Variants in RYR3 observed in about 807,000 individuals in gnomAD.
The protein encoded by RYR3 is brain ryanodine receptor-calcium release channel.
Under a neutral mutation model 584.3 loss-of-function variants are expected in RYR3, and 207 were observed. The observed-to-expected ratio is 0.35, with a 90% confidence interval of 0.32 to 0.40. The LOEUF (loss-of-function observed/expected upper bound fraction) is 0.40, where lower values mean the gene tolerates loss of function less well. RYR3 is among the 10% of genes least tolerant of loss of function. RYR3 has a pLI of 1.00. For missense variants in RYR3, 5,616 were observed against 6,089.2 expected (o/e 0.92, Z 2.59); for synonymous variants, 2,416 against 2,248.5 (o/e 1.07, Z -2.11).
At chr15:33,815,305 T>C (rs759692609) in intron 74 of RYR3, 3 of 152,250 alleles carry the variant, frequency 2.0e-5, no homozygotes, top group Non-Finnish European at 2.9e-5. Context: ...AATTTGTCTT[T>C]GTTTTCTGGA....
Position 33,543,691 on chromosome 15 carries a change from C to A in RYR3, c.716C>A (p.Thr239Lys), listed in dbSNP as rs577566903. The A allele has an allele frequency of 1.9e-6, 3 of 1,612,112 alleles. No homozygotes were observed. The East Asian group carries it at 6.7e-5, about 36-fold the overall frequency. ...GATGAATGTTTGACGATACCATCTA[C>A]AGACCAGAATGATTCCCAGCACAGG... ...GHDECLTIPS[T>K]DQNDSQHRRI... The change falls in exon 8 of 104, where the codon ACA becomes AAA. Residue 239 changes from threonine to lysine, a missense_variant. Physicochemically the swap from Thr to Lys is moderately conservative, Grantham distance 78 (BLOSUM62 -1). Transcript: ENST00000634891.
chr15:33,735,354 G>A (rs961103470), intron 48 of RYR3, among the ~76,000 whole-genome samples: 1 of 152,186 alleles, frequency 6.6e-6, no homozygotes, highest in Non-Finnish European at 1.5e-5. Context: ...TGAAACAGAC[G>A]ACTTTTGTTC....
intron 38 of RYR3, among the ~76,000 whole-genome samples, chr15:33,678,753 G>T (rs1347426243): frequency 6.6e-6 from 1 of 152,226 alleles, no homozygotes. Context: ...GCCTCGAGGG[G>T]TCTGACAGCC....
intron 45 of RYR3, among the ~76,000 whole-genome samples, chr15:33,724,902 T>A (rs1194403847): frequency 6.6e-6 from 1 of 152,032 alleles, no homozygotes; most frequent in Non-Finnish European, 1.5e-5. Context: ...TTTCTGTGCC[T>A]TTAAGTAAAT....
chr15:33,670,286 G>A (rs2063766204), intron 37 of RYR3, 133 bp from the exon 38 acceptor site: 1 of 877,354 alleles, frequency 1.1e-6, no homozygotes, highest in Non-Finnish European at 1.8e-6. Context: ...CACGAGAATA[G>A]TATCTTTAGA....
intron 3 of RYR3, among the ~76,000 whole-genome samples, chr15:33,526,618 G>A (rs2054410245): frequency 6.8e-6 from 1 of 146,210 alleles, no homozygotes; most frequent in Non-Finnish European, 1.5e-5. Context: ...CTCGTCATGG[G>A]AATGTTTATT....
intron 23 of RYR3, 24 bp from the exon 24 acceptor site, chr15:33,632,925 G>A: frequency 1.9e-6 from 3 of 1,595,776 alleles, no homozygotes; most frequent in Non-Finnish European, 2.6e-6. Context: ...TGTTAAAAAT[G>A]TATACTTTTA....
intron 102 of RYR3, 138 bp from the exon 103 acceptor site, chr15:33,864,000 C>CCA (rs1889491496): frequency 1.7e-6 from 1 of 597,564 alleles, no homozygotes; most frequent in South Asian, 2.3e-5. Flanking sequence ...TGTCCTTATG[C>CCA]CACACTTCCC....
rs150688277 is a variant in RYR3 at position 33,373,993 on chromosome 15, A to G, written c.51+62897A>G. Among the ~76,000 whole-genome samples the G allele has an allele frequency of 1.5e-3, 236 of 152,324 alleles. 2 individuals are homozygous for G. Among genetic ancestry groups the G allele is most frequent in the African/African-American group, 5.4e-3 (225 of 41,572 alleles). On this transcript the variant is annotated intron_variant, in intron 1 of 103. Transcript: ENST00000634891. ...GAAATCTTATTTTAGGTGATGGTTT[A>G]AAATCCCTTCCTCACAGTGCCTGGA...
chr15:33,338,799 C>T (rs867478131), intron 1 of RYR3, among the ~76,000 whole-genome samples: 9 of 152,210 alleles, frequency 5.9e-5, no homozygotes, highest in Admixed American at 6.5e-5. Flanking sequence ...TAGCTAGTTA[C>T]CTGCAACAAT....
intron 38 of RYR3, among the ~76,000 whole-genome samples, chr15:33,672,483 G>A (rs1180164569): frequency 6.6e-6 from 1 of 152,190 alleles, no homozygotes; most frequent in African/African-American, 2.4e-5. Flanking sequence ...CCCAGAAATA[G>A]ACGAAATGGT....
At position 33,355,604 on chromosome 15, in the gene RYR3, A is replaced by G. The variant is rs1193243198; in HGVS notation, c.51+44508A>G. Among the ~76,000 whole-genome samples, 3 of 152,344 alleles carry G rather than the reference A, an allele frequency of 2.0e-5. No individual in the cohort carries two copies. The East Asian group carries it at 5.8e-4, about 29-fold the overall frequency. On this transcript the variant is annotated intron_variant, in intron 1 of 103. Transcript: ENST00000634891. ...TTAATCTTTAGGCTTCTCTTCTGCC[A>G]TATTTTCTTAGGTAATTTTAAAGAG...
chr15:33,652,364 G>A (rs780674302), intron 31 of RYR3, among the ~76,000 whole-genome samples: 1 of 152,122 alleles, frequency 6.6e-6, no homozygotes, highest in East Asian at 1.9e-4. Context: ...GCCGAAGGTG[G>A]TCATTCACTC....
chr15:33,498,322 C>A (rs562502387), intron 2 of RYR3, among the ~76,000 whole-genome samples: 2 of 152,136 alleles, frequency 1.3e-5, no homozygotes, highest in Admixed American at 1.3e-4. Context: ...TAAGAGTTTT[C>A]TCTTCTATGC....
intron 62 of RYR3, among the ~76,000 whole-genome samples, chr15:33,771,411 G>A (rs545883419): frequency 1.3e-5 from 2 of 150,824 alleles, no homozygotes; most frequent in Non-Finnish European, 3.0e-5. Flanking sequence ...GCGGGTGCCT[G>A]TAATCCCAGC....
intron 85 of RYR3, among the ~76,000 whole-genome samples, chr15:33,828,632 A>C (rs1441267497): frequency 1.3e-5 from 2 of 152,354 alleles, no homozygotes; most frequent in Non-Finnish European, 2.9e-5. Context: ...AATCTAGAGC[A>C]GGGCTCTAAC....
chr15:33,551,888 A>C (rs2056704048), intron 10 of RYR3, among the ~76,000 whole-genome samples: 1 of 152,200 alleles, frequency 6.6e-6, no homozygotes, highest in Non-Finnish European at 1.5e-5. Context: ...GCAACAGGAA[A>C]GTCGTAAGAA....
At chr15:33,355,643 C>T (rs1973868729) in intron 1 of RYR3, among the ~76,000 whole-genome samples, 1 of 152,194 alleles carries the variant, frequency 6.6e-6, no homozygotes, top group Non-Finnish European at 1.5e-5. Context: ...TTAATCTAGT[C>T]ATCAAGAGTG....
intron 60 of RYR3, among the ~76,000 whole-genome samples, chr15:33,762,362 G>A (rs2072538044): frequency 6.6e-6 from 1 of 152,104 alleles, no homozygotes; most frequent in Admixed American, 6.5e-5. Flanking sequence ...AAATGCCATC[G>A]ACTCAGCCCA....
Sources: allele counts gnomAD v4.1 joint callset (sites outside exome capture counted in the v4.1 genomes callset), GRCh38; gene constraint gnomAD v4.1.1; transcripts MANE v1.5; gene names NCBI Gene and HGNC (gene_info 2026-07-23, HGNC 2026-07-21).